Variants in PEAK1 observed in about 807,000 individuals in gnomAD.
PEAK1 encodes inactive tyrosine-protein kinase PEAK1.
PEAK1 carries 54 observed loss-of-function variants against 124.7 expected under a neutral mutation model. The ratio of observed to expected loss-of-function variants is 0.43; its 90% CI spans 0.35 to 0.54. The LOEUF (loss-of-function observed/expected upper bound fraction) is 0.54, where lower values mean the gene tolerates loss of function less well. Ranked by LOEUF, PEAK1 falls within the 20% of genes least tolerant of loss-of-function variation. The pLI is 0.01. For missense variants in PEAK1, 2,046 were observed against 2,134.5 expected, an observed-to-expected ratio of 0.96 and a Z score of 0.82; for synonymous variants, 719 against 760.0, an observed-to-expected ratio of 0.95 and a Z score of 0.89.
chr15:77,193,675 G>A (rs1322710363), intron 6 of PEAK1, among the ~76,000 whole-genome samples: 2 of 152,090 alleles, frequency 1.3e-5, no homozygotes, highest in Admixed American at 1.3e-4. Context: ...ACAGTGGTGC[G>A]CGCTTGTAAT....
At chr15:77,135,424 G>C (rs1031353348) in intron 8 of PEAK1, among the ~76,000 whole-genome samples, 20 of 152,182 alleles carry the variant, frequency 1.3e-4, no homozygotes, top group Admixed American at 2.6e-4. Context: ...AAAAATCATA[G>C]AGTGTACTTA....
intron 2 of PEAK1, chr15:77,349,256 G>A (rs183052474): frequency 3.7e-6 from 2 of 542,890 alleles, no homozygotes; most frequent in Admixed American, 1.3e-4. Context: ...ACCCAGGATG[G>A]TCTCGATCTT....
intron 9 of PEAK1, among the ~76,000 whole-genome samples, chr15:77,131,233 C>T (rs941726334): frequency 7.2e-5 from 11 of 152,272 alleles, no homozygotes; most frequent in Non-Finnish European, 1.3e-4. Context: ...TGGTGGCTCA[C>T]GCCTGTAATC....
At chr15:77,266,540 C>G (rs1208395405) in intron 5 of PEAK1, among the ~76,000 whole-genome samples, 1 of 152,142 alleles carries the variant, frequency 6.6e-6, no homozygotes, top group Non-Finnish European at 1.5e-5. Context: ...AAATGAAATG[C>G]AAAATCTCAT....
At chr15:77,281,948 T>C (rs945276826) in intron 5 of PEAK1, among the ~76,000 whole-genome samples, 3 of 152,196 alleles carry the variant, frequency 2.0e-5, no homozygotes, top group Admixed American at 6.5e-5. Context: ...CATTTAATTC[T>C]TTCAAATACA....
At chr15:77,395,503 A>G (rs902039919) in intron 1 of PEAK1, among the ~76,000 whole-genome samples, 1 of 152,214 alleles carries the variant, frequency 6.6e-6, no homozygotes, top group Non-Finnish European at 1.5e-5. Context: ...ACCTCAAGAC[A>G]TTTAATCATC....
intron 1 of PEAK1, among the ~76,000 whole-genome samples, chr15:77,366,135 C>T (rs910341103): frequency 1.5e-4 from 23 of 152,154 alleles, no homozygotes; most frequent in Non-Finnish European, 3.2e-4. Context: ...CCTTACCAGA[C>T]TCATGGTAAG....
intron 5 of PEAK1, among the ~76,000 whole-genome samples, chr15:77,273,993 A>T (rs1179462449): frequency 6.6e-6 from 1 of 152,196 alleles, no homozygotes; most frequent in Non-Finnish European, 1.5e-5. Context: ...CAGTCAACTG[A>T]TCTTTGACAA....
rs769083849 is a variant in PEAK1, at chr15:77,180,735, C to G, written c.1192G>C (p.Asp398His). ...ESPSSNNQDK[D>H]SSQASKSSIK... The stretch of plus-strand genomic sequence containing the variant: ...GAGCTTTTGGAAGCCTGTGATGAAT[C>G]TTTATCCTGATTATTACTAGAGGGA... Residue 398 changes from aspartate to histidine, a missense_variant, in exon 7 of 10, where the codon GAT becomes CAT. Transcript: ENST00000682557. The G allele has an allele frequency of 1.3e-5, 21 of 1,614,078 alleles. 1 individual carries two copies. The South Asian group carries it at 2.2e-4, about 17-fold the overall frequency.
intron 7 of PEAK1, among the ~76,000 whole-genome samples, chr15:77,175,638 CT>C (rs1200911744): frequency 6.6e-6 from 1 of 152,152 alleles, no homozygotes; most frequent in African/African-American, 2.4e-5. Flanking sequence ...AACAGGAACA[CT>C]TTTACACTGT....
chr15:77,271,553 G>A (rs1483568425), intron 5 of PEAK1, among the ~76,000 whole-genome samples: 1 of 152,098 alleles, frequency 6.6e-6, no homozygotes, highest in South Asian at 2.1e-4. Context: ...ATGATAGACT[G>A]GATTAAGAAA....
Position 77,152,551 on chromosome 15 carries a change from A to T in PEAK1, c.3331+5952T>A, listed in dbSNP as rs1403479051. 6.6e-5 allele frequency among the ~76,000 whole-genome samples: 10 copies of T among 152,276 alleles called. No homozygotes were observed. The East Asian group carries it at 1.7e-3, about 26-fold the overall frequency. ...TTGAATAGGAGCGGTGAGAGAGGGC[A>T]TCCCTGTCTTGTGCCAGTTTTCAAA... is the stretch of plus-strand genomic sequence containing the variant. On this transcript the variant is annotated intron_variant, in intron 8 of 9. Transcript: ENST00000682557.
intron 2 of PEAK1, chr15:77,331,081 C>T (rs980676452): frequency 2.8e-6 from 2 of 710,350 alleles, no homozygotes; most frequent in African/African-American, 3.9e-5. Flanking sequence ...TAGACATATA[C>T]TATGTAGTAC....
chr15:77,120,959 A>G (rs1252553453), intron 9 of PEAK1, among the ~76,000 whole-genome samples: 2 of 152,194 alleles, frequency 1.3e-5, no homozygotes, highest in Non-Finnish European at 2.9e-5. Context: ...TTACTTTATC[A>G]GAGAGAGGAA....
intron 8 of PEAK1, among the ~76,000 whole-genome samples, chr15:77,143,510 C>T (rs1030138950): frequency 5.9e-5 from 9 of 152,126 alleles, no homozygotes; most frequent in Admixed American, 2.0e-4. Flanking sequence ...GATCTGGCCC[C>T]GATATACCTG....
chr15:77,252,546 G>C lies in PEAK1; in HGVS notation c.-274-20C>G. On this transcript the variant is annotated intron_variant, in intron 5 of 9. Transcript: ENST00000682557. ...TGTTTACTGCAAGAGAAAAAAAATA[G>C]AGCAAAACTGGAGAGTAATATAATT... 1 of 973,308 alleles carries C rather than the reference G, an allele frequency of 1.0e-6. No homozygotes were observed. The highest frequency in any genetic ancestry group is 1.2e-6 in the Non-Finnish European group (1 of 819,046). 60.3% of individuals were successfully genotyped at this position (973,308 alleles called of 1,614,324 possible). A position where few individuals can be genotyped will look rare whatever the true frequency, so the allele number is the denominator to read the frequency against.
intron 6 of PEAK1, among the ~76,000 whole-genome samples, chr15:77,232,066 T>C (rs1271327530): frequency 6.6e-6 from 1 of 152,234 alleles, no homozygotes; most frequent in Non-Finnish European, 1.5e-5. Flanking sequence ...CCTGAGATGT[T>C]TGCTTAAAAT....
At chr15:77,327,609 A>T (rs553127709) in intron 2 of PEAK1, among the ~76,000 whole-genome samples, 104 of 152,188 alleles carry the variant, frequency 6.8e-4, no homozygotes, top group South Asian at 1.0e-3. Flanking sequence ...ACTAAGACCT[A>T]ATCTTCCTTT....
chr15:77,362,606 C>A (rs564847043), intron 2 of PEAK1, among the ~76,000 whole-genome samples: 1 of 152,176 alleles, frequency 6.6e-6, no homozygotes, highest in Non-Finnish European at 1.5e-5. Context: ...TTGGCAGTTC[C>A]ACAAAATGTT....
Sources: gnomAD v4.1 joint callset for allele counts (sites outside exome capture counted in the v4.1 genomes callset) on GRCh38, gnomAD v4.1.1 for gene constraint, MANE v1.5 for transcripts, NCBI Gene and HGNC (gene_info 2026-07-23, HGNC 2026-07-21) for gene names.